LRFN5: variants seen among roughly 807,000 people sequenced by gnomAD.
The protein encoded by LRFN5 is leucine rich repeat and fibronectin type III domain containing 5.
In LRFN5, 24 loss-of-function variants were observed where a neutral mutation model predicts 45.6. The ratio of observed to expected loss-of-function variants is 0.53; its 90% CI spans 0.38 to 0.74. The LOEUF (loss-of-function observed/expected upper bound fraction) is 0.74, where lower values mean the gene tolerates loss of function less well. Among genes scored for constraint, LRFN5 ranks in the 30% least tolerant of loss-of-function variants. The probability of loss-of-function intolerance (pLI) is 0.00; values close to 1 mark genes in which losing one functional copy is unlikely to be tolerated. For synonymous variants in LRFN5, 340 were observed against 313.8 expected, an observed-to-expected ratio of 1.08 and a Z score of -0.88; for missense variants, 776 against 861.5, an observed-to-expected ratio of 0.90 and a Z score of 1.24.
In LRFN5 at chr14:41,607,477, A is replaced by G. The variant is rs1272600770; in HGVS notation, c.-1282A>G. ...TGGATGTTGGCTACCTTTTCAAGTCATCTTGGCATGTCTCTAGTGTTTTGT... is the reference window on the plus strand; with the variant it reads ...TGGATGTTGGCTACCTTTTCAAGTCGTCTTGGCATGTCTCTAGTGTTTTGT... On this transcript the variant is annotated 5_prime_UTR_variant, in exon 1 of 6. Coordinates refer to ENST00000298119, the MANE Select transcript of LRFN5 (RefSeq NM_152447.5). 6.6e-6 allele frequency: 1 copy of G among 152,220 alleles called. No homozygotes were observed. Among genetic ancestry groups the G allele is most frequent in the Non-Finnish European group, 1.5e-5 (1 of 68,086 alleles). The allele number at this position is 152,220 out of a possible 1,614,324, so 9.4% of individuals were successfully genotyped here.
chr14:41,708,266 A>G (rs113794911), intron 1 of LRFN5, among the ~76,000 whole-genome samples: 5 of 152,128 alleles, frequency 3.3e-5, no homozygotes, highest in African/African-American at 1.2e-4. Flanking sequence ...ATAAATGCCA[A>G]GTACACATTA....
chr14:41,642,861 C>T (rs1216357405), intron 1 of LRFN5, among the ~76,000 whole-genome samples: 1 of 152,058 alleles, frequency 6.6e-6, no homozygotes, highest in Non-Finnish European at 1.5e-5. Context: ...CACAATATAA[C>T]ACAGAGGTTT....
chr14:41,802,842 T>C (rs563412805), intron 2 of LRFN5, among the ~76,000 whole-genome samples: 19 of 152,270 alleles, frequency 1.2e-4, no homozygotes, highest in Non-Finnish European at 2.8e-4. Context: ...CTAAGAAGGT[T>C]GAAGAATTAC....
At chr14:41,895,496 G>A (rs1191778358) in intron 4 of LRFN5, among the ~76,000 whole-genome samples, 1 of 151,980 alleles carries the variant, frequency 6.6e-6, no homozygotes, top group African/African-American at 2.4e-5. Context: ...GGCATGGTAG[G>A]AATCTGTAGT....
chr14:41,885,465 A>G (rs1890535168), intron 2 of LRFN5, among the ~76,000 whole-genome samples: 1 of 152,142 alleles, frequency 6.6e-6, no homozygotes, highest in Non-Finnish European at 1.5e-5. Context: ...AAAAATGAAA[A>G]TTGTCAAAGT....
At chr14:41,756,021 A>G (rs553824073) in intron 1 of LRFN5, among the ~76,000 whole-genome samples, 47 of 152,220 alleles carry the variant, frequency 3.1e-4, no homozygotes, top group African/African-American at 9.6e-4. Context: ...TCCTTCACTT[A>G]TGAAGCTTAG....
chr14:41,780,292 AT>A (rs1293808824), intron 2 of LRFN5, among the ~76,000 whole-genome samples: 1 of 151,820 alleles, frequency 6.6e-6, no homozygotes, highest in Non-Finnish European at 1.5e-5. Context: ...AGAACATAAT[AT>A]TTTTTTCTAT....
At chr14:41,629,943 A>T (rs1439890388) in intron 1 of LRFN5, among the ~76,000 whole-genome samples, 1 of 152,122 alleles carries the variant, frequency 6.6e-6, no homozygotes, top group African/African-American at 2.4e-5. Flanking sequence ...CACACATTAT[A>T]TTTAAATCAT....
intron 2 of LRFN5, among the ~76,000 whole-genome samples, chr14:41,880,359 C>T (rs1890339499): frequency 6.6e-6 from 1 of 151,752 alleles, no homozygotes; most frequent in Admixed American, 6.6e-5. Flanking sequence ...TATTTATTTT[C>T]TAGCTTCTTA....
intron 2 of LRFN5, among the ~76,000 whole-genome samples, chr14:41,886,199 C>G (rs1853558454): frequency 6.6e-6 from 1 of 152,004 alleles, no homozygotes; most frequent in Non-Finnish European, 1.5e-5. Flanking sequence ...TTCAAATATG[C>G]CTCTAATTTT....
rs1888663078 is a variant in LRFN5, at chr14:41,836,387, C to G, written c.-20-50219C>G. 2.6e-5 allele frequency among the ~76,000 whole-genome samples: 4 copies of G among 152,198 alleles called. No homozygotes were observed. In the South Asian group the frequency reaches 8.3e-4, roughly 32 times the overall value. ...ATTTAAAATGCATGAATTGCACATA[C>G]TTGATATACATGTATATACATATAA... On this transcript the variant is annotated intron_variant, in intron 2 of 5. Coordinates refer to ENST00000298119, the MANE Select transcript of LRFN5 (RefSeq NM_152447.5).
rs768139857 is a variant in LRFN5, at chr14:41,887,114, T to A, written c.489T>A (p.Pro163=). The A allele has an allele frequency of 6.2e-7, 1 of 1,614,044 alleles. No individual in the cohort carries two copies. ...DLSYNNLETI[P]WDAVEKMVSL... ...CCTATAATAATCTAGAAACCATTCCTTGGGATGCTGTTGAGAAGATGGTTA... is the reference window on the plus strand; with the variant it reads ...CCTATAATAATCTAGAAACCATTCCATGGGATGCTGTTGAGAAGATGGTTA... Residue 163 remains proline (P), a synonymous_variant, in exon 3 of 6, where the codon CCT becomes CCA. Coordinates refer to ENST00000298119, the MANE Select transcript of LRFN5 (RefSeq NM_152447.5). The surrounding 1 kb of genome is among the most constrained non-coding windows in gnomAD (Gnocchi z 4.8).
chr14:41,814,057 A>G lies in LRFN5; in HGVS notation c.-21+47028A>G, dbSNP rs191453523. 2.6e-5 allele frequency among the ~76,000 whole-genome samples: 4 copies of G among 151,252 alleles called. No individual in the cohort carries two copies. In the Admixed American group the frequency reaches 2.7e-4, roughly 10 times the overall value. On this transcript the variant is annotated intron_variant, in intron 2 of 5. Coordinates refer to ENST00000298119, the MANE Select transcript of LRFN5 (RefSeq NM_152447.5). ...GTTTAAGTTCCTTGAGATTCTGCAT[A>G]TTAGCCCTTTGTCAGATGGACAGAT...
At chr14:41,711,206 G>A (rs1418417793) in intron 1 of LRFN5, among the ~76,000 whole-genome samples, 1 of 152,052 alleles carries the variant, frequency 6.6e-6, no homozygotes, top group African/African-American at 2.4e-5. Context: ...ACACACATAC[G>A]CACACGCATG....
rs930405342 is a variant in LRFN5, at chr14:41,632,723, T to C, written c.-197+24161T>C. On this transcript the variant is annotated intron_variant, in intron 1 of 5. Coordinates refer to ENST00000298119, the MANE Select transcript of LRFN5 (RefSeq NM_152447.5). ...TGTGTCAATCTTCCTGTAGTCTTAG[T>C]AGAACAGGAAAAAAAGGCAAGGAAT... Among the ~76,000 whole-genome samples the C allele has an allele frequency of 5.9e-5, 9 of 152,142 alleles. No individual in the cohort carries two copies. In the South Asian group the frequency reaches 1.9e-3, roughly 31 times the overall value.
intron 1 of LRFN5, among the ~76,000 whole-genome samples, chr14:41,713,236 A>G (rs1406211467): frequency 6.6e-6 from 1 of 152,146 alleles, no homozygotes; most frequent in Admixed American, 6.5e-5. Context: ...TGTGCAAAAC[A>G]GTCTGTTAGT....
intron 1 of LRFN5, among the ~76,000 whole-genome samples, chr14:41,714,289 A>C (rs1883399702): frequency 6.6e-6 from 1 of 152,170 alleles, no homozygotes; most frequent in Non-Finnish European, 1.5e-5. Flanking sequence ...GGCTGCCCAC[A>C]TAAATTTGGT....
intron 1 of LRFN5, among the ~76,000 whole-genome samples, chr14:41,681,179 G>A (rs1300195684): frequency 6.6e-6 from 1 of 152,110 alleles, no homozygotes. Flanking sequence ...GGTAAGAAAA[G>A]AATGTGAGTA....
chr14:41,801,560 T>C (rs1382125734), intron 2 of LRFN5, among the ~76,000 whole-genome samples: 1 of 152,120 alleles, frequency 6.6e-6, no homozygotes, highest in Admixed American at 6.6e-5. Context: ...CAGTGCTCCA[T>C]CAGTGTTCTT....
Sources: gnomAD v4.1 joint callset for allele counts (sites outside exome capture counted in the v4.1 genomes callset) on GRCh38, gnomAD v4.1.1 for gene constraint, Gnocchi (gnomAD v3.1) non-coding constraint, MANE v1.5 for transcripts, NCBI Gene and HGNC (gene_info 2026-07-23, HGNC 2026-07-21) for gene names.